IRAK2: variants seen among roughly 807,000 people sequenced by gnomAD.
IRAK2 encodes the protein interleukin-1 receptor-associated kinase-like 2.
In IRAK2, 57 loss-of-function variants were observed where a neutral mutation model predicts 72.0. The observed-to-expected ratio is 0.79, with a 90% CI of 0.64 to 0.99. The LOEUF (loss-of-function observed/expected upper bound fraction) is 0.99, where lower values mean the gene tolerates loss of function less well. IRAK2 is among the 50% of genes least tolerant of loss of function. IRAK2 has a pLI of 0.00. For synonymous variants in IRAK2, 293 were observed against 312.7 expected (o/e 0.94, Z 0.67); for missense variants, 790 against 794.4 (o/e 0.99, Z 0.07).
chr3:10,183,556 A>C (rs1189858561), intron 2 of IRAK2, among the ~76,000 whole-genome samples: 2 of 152,038 alleles, frequency 1.3e-5, no homozygotes, highest in African/African-American at 4.8e-5. Context: ...CCTCTACTAA[A>C]ACAAACAAAC....
intron 2 of IRAK2, among the ~76,000 whole-genome samples, chr3:10,191,328 G>A (rs1697172907): frequency 6.6e-6 from 1 of 151,912 alleles, no homozygotes; most frequent in Middle Eastern, 3.4e-3. Flanking sequence ...AGAACCAGTC[G>A]TGACGCCCAG....
rs1698067309 is a variant in IRAK2 at position 10,241,974 on chromosome 3, A to AT, written c.1766-141dup. On this transcript the variant is annotated intron_variant, in intron 12 of 12. Transcript: ENST00000256458. ...GGCAACAAAGTGAGACCCTGTCTCG[A>AT]TAAAAAAAAAAGAAAAAAAAAAAAA... 4 of 473,818 alleles carry AT rather than the reference A, an allele frequency of 8.4e-6. 1 individual carries two copies. The highest frequency in any genetic ancestry group is 7.5e-5 in the South Asian group (3 of 39,956). The allele number at this position is 473,818 out of a possible 1,614,324, so 29.4% of individuals were successfully genotyped here.
intron 6 of IRAK2, among the ~76,000 whole-genome samples, chr3:10,216,214 A>G (rs1401115922): frequency 6.6e-6 from 1 of 152,130 alleles, no homozygotes; most frequent in East Asian, 1.9e-4. Context: ...GGGAGATAAG[A>G]AGGTTTCTAG....
At chr3:10,224,089 TA>T (rs1697734103) in intron 9 of IRAK2, among the ~76,000 whole-genome samples, 1 of 152,060 alleles carries the variant, frequency 6.6e-6, no homozygotes, top group Admixed American at 6.5e-5. Flanking sequence ...AAAATCTCAG[TA>T]CTTTGGGAGG....
chr3:10,241,313 A>T (rs558118258), intron 12 of IRAK2, among the ~76,000 whole-genome samples: 20 of 151,612 alleles, frequency 1.3e-4, no homozygotes, highest in African/African-American at 4.6e-4. Context: ...TAATCCTAAC[A>T]CTTTGGGAGG....
At chr3:10,234,377 C>T in intron 10 of IRAK2, 82 bp from the exon 11 acceptor site, 3 of 1,178,144 alleles carry the variant, frequency 2.5e-6, no homozygotes, top group Non-Finnish European at 2.5e-6. Flanking sequence ...TTTTTTGCAG[C>T]TCTGGAGGTG....
intron 1 of IRAK2, among the ~76,000 whole-genome samples, chr3:10,166,739 G>C (rs539210041): frequency 1.3e-5 from 2 of 152,160 alleles, no homozygotes; most frequent in African/African-American, 4.8e-5. Context: ...CCGCCTCTTG[G>C]ATTCAAGTGA....
At chr3:10,184,496 C>T (rs1002469087) in intron 2 of IRAK2, among the ~76,000 whole-genome samples, 2 of 147,696 alleles carry the variant, frequency 1.4e-5, no homozygotes, top group African/African-American at 5.4e-5. Flanking sequence ...GTAGCCTTCT[C>T]TAATGGCCCC....
chr3:10,205,821 G>T (rs1697426097), intron 3 of IRAK2, among the ~76,000 whole-genome samples: 1 of 152,252 alleles, frequency 6.6e-6, no homozygotes, highest in Non-Finnish European at 1.5e-5. Flanking sequence ...GACTCATAGT[G>T]AGGTGGCACA....
At chr3:10,221,755 G>A (rs1159122945) in intron 8 of IRAK2, among the ~76,000 whole-genome samples, 1 of 152,078 alleles carries the variant, frequency 6.6e-6, no homozygotes, top group Non-Finnish European at 1.5e-5. Flanking sequence ...TCAAACTCCT[G>A]GGCTCAGGTG....
At chr3:10,175,107 A>G (rs1696853000) in intron 1 of IRAK2, among the ~76,000 whole-genome samples, 1 of 151,506 alleles carries the variant, frequency 6.6e-6, no homozygotes, top group African/African-American at 2.4e-5. Context: ...AAAAAAAAAG[A>G]TTTTTAAATT....
At chr3:10,196,206 C>A (rs185295867) in intron 2 of IRAK2, among the ~76,000 whole-genome samples, 1 of 152,360 alleles carries the variant, frequency 6.6e-6, no homozygotes, top group East Asian at 1.9e-4. Flanking sequence ...CCTCCGCCTC[C>A]CAGGTTCAAG....
chr3:10,201,027 G>A (rs263413), intron 3 of IRAK2, among the ~76,000 whole-genome samples: 63,749 of 152,100 alleles, frequency 0.42, 13,639 homozygotes, highest in Admixed American at 0.5. Flanking sequence ...ACAATATCGG[G>A]AGGTAGAAAA....
At chr3:10,234,392 G>T in intron 10 of IRAK2, 67 bp from the exon 11 acceptor site, 2 of 1,339,006 alleles carry the variant, frequency 1.5e-6, no homozygotes, top group East Asian at 4.6e-5. Flanking sequence ...GAGGTGAGTG[G>T]GGCGCGTGCG....
intron 10 of IRAK2, among the ~76,000 whole-genome samples, chr3:10,229,752 T>C (rs186251605): frequency 2.6e-5 from 4 of 152,294 alleles, no homozygotes; most frequent in Non-Finnish European, 2.9e-5. Flanking sequence ...ATTTGGGTTA[T>C]TTCCAGGTTT....
Position 10,213,263 on chromosome 3 carries a change from C to G in IRAK2, c.585C>G (p.Ser195Arg), listed in dbSNP as rs779887052. The G allele has an allele frequency of 5.6e-6, 9 of 1,614,152 alleles. No homozygotes were observed. Among genetic ancestry groups the G allele is most frequent in the Non-Finnish European group, 7.6e-6 (9 of 1,180,028 alleles). Residue 195 changes from serine to arginine, a missense_variant, in exon 5 of 13, where the codon AGC becomes AGG. Ser to Arg is a moderately radical substitution (Grantham distance 110). Transcript: ENST00000256458. ...AACTTTTGAGCTTGGCTGGAGACAG[C>G]CTTTTCTGGAGTGAGGCAGACGTGG... ...QEKLLSLAGDSLFWSEADVVQ... is the reference protein window; with the variant it reads ...QEKLLSLAGDRLFWSEADVVQ...
At chr3:10,204,061 A>G (rs1364414763) in intron 3 of IRAK2, among the ~76,000 whole-genome samples, 1 of 152,236 alleles carries the variant, frequency 6.6e-6, no homozygotes, top group African/African-American at 2.4e-5. Flanking sequence ...AGGAGAGGCC[A>G]CTGGGCTATC....
intron 2 of IRAK2, among the ~76,000 whole-genome samples, chr3:10,187,443 G>A (rs1188305105): frequency 6.6e-6 from 1 of 152,190 alleles, no homozygotes; most frequent in Admixed American, 6.5e-5. Context: ...CTAATTGAAA[G>A]CTGCCTCATT....
intron 9 of IRAK2, among the ~76,000 whole-genome samples, chr3:10,223,045 A>G (rs1213267454): frequency 6.6e-6 from 1 of 152,186 alleles, no homozygotes; most frequent in Non-Finnish European, 1.5e-5. Flanking sequence ...AAAGGATTAT[A>G]TTTTTAAACA....
Sources: gnomAD v4.1 joint callset for allele counts (sites outside exome capture counted in the v4.1 genomes callset) on GRCh38, gnomAD v4.1.1 for gene constraint, MANE v1.5 for transcripts, NCBI Gene and HGNC (gene_info 2026-07-23, HGNC 2026-07-21) for gene names.